ADGRF1: variants seen among roughly 807,000 people sequenced by gnomAD.
ADGRF1 encodes adhesion G protein-coupled receptor F1.
ADGRF1 carries 85 observed loss-of-function variants against 87.2 expected under a neutral mutation model. The ratio of observed to expected loss-of-function variants is 0.97; its 90% CI spans 0.82 to 1.17. ADGRF1 has a LOEUF of 1.17. Among genes scored for constraint, ADGRF1 ranks in the 50% most tolerant of loss-of-function variants. ADGRF1 has a pLI of 0.00. For missense variants in ADGRF1, 1,169 were observed against 1,077.2 expected (o/e 1.09, Z -1.19); for synonymous variants, 430 against 408.8 (o/e 1.05, Z -0.63).
chr6:46,998,145 C>G lies in ADGRF1; in HGVS notation c.*2077G>C, dbSNP rs569466033. 6.6e-6 allele frequency: 1 copy of G among 152,244 alleles called. No individual in the cohort carries two copies. Among genetic ancestry groups the G allele is most frequent in the African/African-American group, 2.4e-5 (1 of 41,546 alleles). 9.4% of individuals were successfully genotyped at this position (152,244 alleles called of 1,614,324 possible). A position where few individuals can be genotyped will look rare whatever the true frequency, so the allele number is the denominator to read the frequency against. Reference sequence around the variant, plus strand: ...ACGGAGGTTTCTGGCCTCCCTTTCCCCAAGGTCCCCAAAAAAAGAAATCTG... The same window carrying G: ...ACGGAGGTTTCTGGCCTCCCTTTCCGCAAGGTCCCCAAAAAAAGAAATCTG... On this transcript the variant is annotated 3_prime_UTR_variant, in exon 15 of 15. Coordinates refer to ENST00000371253, the MANE Select transcript of ADGRF1 (RefSeq NM_153840.4).
At chr6:47,014,180 C>A (rs1197218127) in intron 9 of ADGRF1, 4 of 889,010 alleles carry the variant, frequency 4.5e-6, no homozygotes, top group Middle Eastern at 5.7e-4. Context: ...TTCTGATCTG[C>A]AAAATGAGGT....
chr6:47,001,383 T>G, intron 14 of ADGRF1, 118 bp downstream of exon 14: 1 of 786,422 alleles, frequency 1.3e-6, no homozygotes, highest in Non-Finnish European at 2.0e-6. Flanking sequence ...CATGGCTGGC[T>G]GATAATCCCA....
chr6:47,031,953 C>A (rs539402913), intron 1 of ADGRF1, among the ~76,000 whole-genome samples: 111 of 152,110 alleles, frequency 7.3e-4, no homozygotes, highest in Non-Finnish European at 1.5e-3. Context: ...TTAAGCAATT[C>A]TCCCACCTCA....
chr6:47,033,937 C>T (rs2113908586), intron 1 of ADGRF1, among the ~76,000 whole-genome samples: 1 of 152,328 alleles, frequency 6.6e-6, no homozygotes, highest in East Asian at 1.9e-4. Context: ...GCGAGACAAA[C>T]TTCCTCTGGA....
chr6:47,029,118 G>A lies in ADGRF1; in HGVS notation c.-43-14C>T. The A allele has an allele frequency of 2.1e-6, 3 of 1,423,482 alleles. No homozygotes were observed. Among genetic ancestry groups the A allele is most frequent in the Non-Finnish European group, 3.0e-6 (3 of 1,006,958 alleles). 88.2% of individuals were successfully genotyped at this position (1,423,482 alleles called of 1,614,324 possible). A position where few individuals can be genotyped will look rare whatever the true frequency, so the allele number is the denominator to read the frequency against. On this transcript the variant is annotated splice_polypyrimidine_tract_variant and intron_variant, in intron 1 of 14. Transcript: ENST00000371253. ...CATAGTCTGTGACTAAACAAGCAGG[G>A]TACCAGGTAAGGTAGAGGCACAAAA...
chr6:47,008,887 A>C, intron 11 of ADGRF1, 58 bp downstream of exon 11: 10 of 1,470,994 alleles, frequency 6.8e-6, no homozygotes, highest in Non-Finnish European at 9.1e-6. Context: ...TACCTGCCTG[A>C]GTTCTCTACT....
At position 47,012,054 on chromosome 6, in the gene ADGRF1, A is replaced by G; in HGVS notation, c.1069T>C (p.Ser357Pro). 6.2e-7 allele frequency: 1 copy of G among 1,614,046 alleles called. No individual in the cohort carries two copies. Among genetic ancestry groups the G allele is most frequent in the South Asian group, 1.1e-5 (1 of 91,078 alleles). The change falls in exon 10 of 15, where the codon TCT becomes CCT. Residue 357 changes from serine to proline, a missense_variant. By Grantham distance (74) the Ser-to-Pro change is moderately conservative. Transcript: ENST00000371253. ...SVVSILSNIS[S>P]LSLASHFRVS... is the part of the protein sequence containing the mutation. ...CTGAAATGGCTGGCCAGTGACAGAG[A>G]TGAAATATTGCTCAGAATCGACACC...
Position 47,009,134 on chromosome 6 carries a change from T to C in ADGRF1, c.2301A>G (p.Thr767=). The part of the protein sequence containing the change: ...VNFVVVLLVL[T]KLWRPTVGER... Reference sequence around the variant, plus strand: ...CCCCAACAGTCGGCCTCCAGAGCTTTGTGAGAACTAGCAGCACCACAACGA... The same window carrying C: ...CCCCAACAGTCGGCCTCCAGAGCTTCGTGAGAACTAGCAGCACCACAACGA... The change falls in exon 11 of 15, where the codon ACA becomes ACG. Residue 767 remains threonine (T), a synonymous_variant. Coordinates refer to ENST00000371253, the MANE Select transcript of ADGRF1 (RefSeq NM_153840.4). The C allele has an allele frequency of 6.2e-7, 1 of 1,614,132 alleles. No individual in the cohort carries two copies.
intron 2 of ADGRF1, among the ~76,000 whole-genome samples, chr6:47,028,328 G>A (rs924862977): frequency 6.6e-6 from 1 of 152,176 alleles, no homozygotes; most frequent in Non-Finnish European, 1.5e-5. Context: ...TAAAGGTAAA[G>A]CTTTAAAAGT....
chr6:47,011,975 A>T, intron 10 of ADGRF1, 32 bp downstream of exon 10: 3 of 1,589,446 alleles, frequency 1.9e-6, no homozygotes, highest in Non-Finnish European at 2.6e-6. Flanking sequence ...CAAGCATTTA[A>T]AGTGAGCCCT....
chr6:47,013,816 T>C (rs1219755932), intron 9 of ADGRF1: 1 of 191,494 alleles, frequency 5.2e-6, no homozygotes, highest in Non-Finnish European at 9.6e-6. Flanking sequence ...GATACAGTTC[T>C]CACAAGATCT....
chr6:47,010,033 A>G lies in ADGRF1; in HGVS notation c.1402T>C (p.Ser468Pro). ...IPIRGRVLIG[S>P]DQFQRSLPET... ...GGAAGGGATCTCTGGAATTGGTCTG[A>G]CCCAATTAACACACGGCCTCTGATG... is the stretch of plus-strand genomic sequence containing the variant. Residue 468 changes from serine to proline, a missense_variant, in exon 11 of 15, where the codon TCA becomes CCA. Transcript: ENST00000371253. 7.4e-6 allele frequency: 12 copies of G among 1,614,110 alleles called. No individual in the cohort carries two copies. Among genetic ancestry groups the G allele is most frequent in the Non-Finnish European group, 1.0e-5 (12 of 1,180,002 alleles).
At chr6:47,019,320 A>T in intron 7 of ADGRF1, 1 of 982,750 alleles carries the variant, frequency 1.0e-6, no homozygotes, top group Non-Finnish European at 1.2e-6. Flanking sequence ...AATTTTAAAG[A>T]AAACTATTCA....
At position 47,009,426 on chromosome 6, in the gene ADGRF1, G is replaced by A. The variant is rs771570431; in HGVS notation, c.2009C>T (p.Ser670Phe). Residue 670 changes from serine (S) to phenylalanine (F), a missense_variant, in exon 11 of 15, where the codon TCT becomes TTT. Coordinates refer to ENST00000371253, the MANE Select transcript of ADGRF1 (RefSeq NM_153840.4). ...AVFFTHFFYL[S>F]LFFWMLMLGI... ...AAGCATGAGCATCCAGAAGAACAAA[G>A]AGAGGTAGAAGAAGTGTGTAAAGAA... is the stretch of plus-strand genomic sequence containing the variant. The A allele has an allele frequency of 1.9e-6, 3 of 1,613,958 alleles. No individual in the cohort carries two copies. Among genetic ancestry groups the A allele is most frequent in the South Asian group, 2.2e-5 (2 of 91,046 alleles).
intron 3 of ADGRF1, 129 bp from the exon 4 acceptor site, chr6:47,026,132 T>C (rs1187373939): frequency 1.4e-6 from 1 of 728,234 alleles, no homozygotes; most frequent in Non-Finnish European, 2.2e-6. Context: ...CCTGAGTTCC[T>C]CTCATCCAAA....
chr6:47,017,791 C>T (rs1226497), intron 7 of ADGRF1: 61,401 of 151,698 alleles, frequency 0.4, 14,406 homozygotes, highest in African/African-American at 0.66. Context: ...TTGCTTCTGG[C>T]GTGAGGGGAT....
intron 13 of ADGRF1, chr6:47,001,786 T>C: frequency 2.3e-6 from 1 of 438,266 alleles, no homozygotes; most frequent in Non-Finnish European, 4.1e-6. Flanking sequence ...GCTGTGTTCC[T>C]GTGTATTTTT....
Position 47,010,187 on chromosome 6 carries a change from A to G in ADGRF1, c.1248T>C (p.Pro416=). ...ETLENISTLV[P]PTALPLNFSR... ...AAAAATTCAGAGGAAGAGCTGTCGG[A>G]GGCACCAGAGTGCTGATGTTTTCTA... The change falls in exon 11 of 15, where the codon CCT becomes CCC. Residue 416 remains proline, a synonymous_variant. Coordinates refer to ENST00000371253, the MANE Select transcript of ADGRF1 (RefSeq NM_153840.4). 1 of 1,614,136 alleles carries G rather than the reference A, an allele frequency of 6.2e-7. No individual in the cohort carries two copies. The highest frequency in any genetic ancestry group is 8.5e-7 in the Non-Finnish European group (1 of 1,180,018).
intron 4 of ADGRF1, chr6:47,024,428 C>A (rs552904871): frequency 4.5e-6 from 2 of 441,066 alleles, no homozygotes; most frequent in Admixed American, 3.9e-5. Context: ...GAATCTTGTG[C>A]GTCAGCCACC....
Sources: gnomAD v4.1 joint callset for allele counts (sites outside exome capture counted in the v4.1 genomes callset) on GRCh38, gnomAD v4.1.1 for gene constraint, MANE v1.5 for transcripts, NCBI Gene and HGNC (gene_info 2026-07-23, HGNC 2026-07-21) for gene names.